Variants in PANK4 observed in about 807,000 individuals in gnomAD.
The protein encoded by PANK4 is pantothenate kinase 4 (inactive).
A neutral mutation model predicts 87.9 loss-of-function variants in PANK4; 40 were observed. That is an observed-to-expected ratio of 0.46 (90% CI 0.35 to 0.59). The LOEUF is 0.59. Among genes scored for constraint, PANK4 ranks in the 20% least tolerant of loss-of-function variants. PANK4 has a pLI of 0.00. For synonymous variants in PANK4, 524 were observed against 467.4 expected (o/e 1.12, Z -1.56); for missense variants, 926 against 1,072.3 (o/e 0.86, Z 1.90).
chr1:2,520,339 G>A lies in PANK4; in HGVS notation c.682C>T (p.Leu228=), dbSNP rs370600453. 6.2e-7 allele frequency: 1 copy of A among 1,612,892 alleles called. No individual in the cohort carries two copies. Among genetic ancestry groups the A allele is most frequent in the Non-Finnish European group, 8.5e-7 (1 of 1,179,918 alleles). Residue 228 remains leucine, a synonymous_variant, in exon 5 of 19, where the codon CTG becomes TTG. Transcript: ENST00000378466. The surrounding 1 kb of genome is among the most constrained non-coding windows in gnomAD (Gnocchi z 6.2). ...CCGCATACCTTCGTTTTGGTGAGCA[G>A]AGCGCCAAGCCCCCAGAAGGTGCCG... ...GGGTFWGLGA[L]LTKTKKFDEL...
rs978285304 is a variant in PANK4 at position 2,510,588 on chromosome 1, C to T, written c.1938+90G>A. 4 of 790,732 alleles carry T rather than the reference C, an allele frequency of 5.1e-6. No individual in the cohort carries two copies. Among genetic ancestry groups the T allele is most frequent in the Admixed American group, 2.1e-5 (1 of 48,162 alleles). 49.0% of individuals were successfully genotyped at this position (790,732 alleles called of 1,614,324 possible). A position where few individuals can be genotyped will look rare whatever the true frequency, so the allele number is the denominator to read the frequency against. On this transcript the variant is annotated intron_variant, in intron 16 of 18. Coordinates refer to ENST00000378466, the MANE Select transcript of PANK4 (RefSeq NM_018216.4). This position sits in a 1 kb window ranked among gnomAD's most constrained non-coding sequence, Gnocchi z 4.9. ...CTACCTGCTGCGTCCGGAGGAGCCC[C>T]GACCACCGCCAGAGGCCCACAGCGG...
intron 9 of PANK4, among the ~76,000 whole-genome samples, chr1:2,517,509 A>G (rs1460153895): frequency 6.6e-6 from 1 of 152,184 alleles, no homozygotes. Flanking sequence ...ACGGTCGAGG[A>G]CCCTGACAGC....
chr1:2,508,907 G>A lies in PANK4; in HGVS notation c.2262C>T (p.Ala754=), dbSNP rs779490735. 1.5e-5 allele frequency: 24 copies of A among 1,609,756 alleles called. No homozygotes were observed. The highest frequency in any genetic ancestry group is 1.1e-4 in the South Asian group (10 of 90,496). ...TGAAGAGCCGGCCGCCCAGCCGCTC[G>A]GCCAGCCACGCGTTCTTGATGACGG... is the stretch of plus-strand genomic sequence containing the variant. ...KLAVIKNAWL[A]ERLGGRLFSV... The change falls in exon 19 of 19, where the codon GCC becomes GCT. Residue 754 remains alanine (A), a synonymous_variant. Coordinates refer to ENST00000378466, the MANE Select transcript of PANK4 (RefSeq NM_018216.4). This position sits in a 1 kb window ranked among gnomAD's most constrained non-coding sequence, Gnocchi z 5.1.
chr1:2,514,489 G>GT (rs1643724898), intron 10 of PANK4, 23 bp from the exon 11 acceptor site: 1 of 1,458,074 alleles, frequency 6.9e-7, no homozygotes, highest in Non-Finnish European at 9.2e-7. Flanking sequence ...GAAGGAGGGG[G>GT]TTAGTCAAGC....
chr1:2,519,178 G>T lies in PANK4; in HGVS notation c.1000C>A (p.Arg334Ser). 6.2e-7 allele frequency: 1 copy of T among 1,612,704 alleles called. No individual in the cohort carries two copies. The change falls in exon 7 of 19, where the codon CGC (arginine) becomes AGC (serine). Residue 334 changes from arginine (R) to serine (S), a missense_variant. By Grantham distance (110) the Arg-to-Ser change is moderately radical. Transcript: ENST00000378466. The surrounding 1 kb of genome is among the most constrained non-coding windows in gnomAD (Gnocchi z 8.3). Reference sequence around the variant, plus strand: ...AAGTTGATGCTATAGGTGATGGTGCGCATGGTCACGGGGTGGCCCCGGATA... The same window carrying T: ...AAGTTGATGCTATAGGTGATGGTGCTCATGGTCACGGGGTGGCCCCGGATA... ...FFIRGHPVTM[R>S]TITYSINFFS...
chr1:2,521,809 G>C lies in PANK4; in HGVS notation c.125-9C>G, dbSNP rs201354400. 2.4e-5 allele frequency: 38 copies of C among 1,612,320 alleles called. No homozygotes were observed. Among genetic ancestry groups the C allele is most frequent in the Non-Finnish European group, 3.1e-5 (36 of 1,178,530 alleles). On this transcript the variant is annotated splice_polypyrimidine_tract_variant and intron_variant, in intron 1 of 18. Transcript: ENST00000378466. Reference sequence around the variant, plus strand: ...CTTGGTTAACGACCCGCCTGCAGGGGAGACACAAACCGGGCAGGATTCAGG... The same window carrying C: ...CTTGGTTAACGACCCGCCTGCAGGGCAGACACAAACCGGGCAGGATTCAGG...
In PANK4 at chr1:2,512,573, G is replaced by A. The variant is rs193267079; in HGVS notation, c.1727+315C>T. 14 of 401,820 alleles carry A rather than the reference G, an allele frequency of 3.5e-5. No individual in the cohort carries two copies. The East Asian group carries it at 5.7e-4, about 16-fold the overall frequency. 24.9% of individuals were successfully genotyped at this position (401,820 alleles called of 1,614,324 possible). On this transcript the variant is annotated intron_variant, in intron 13 of 18. Coordinates refer to ENST00000378466, the MANE Select transcript of PANK4 (RefSeq NM_018216.4). ...AAATGTTTAATTCCTACCACACATAGGAAACATGAATTTGGATTCTGACAA... is the reference window on the plus strand; with the variant it reads ...AAATGTTTAATTCCTACCACACATAAGAAACATGAATTTGGATTCTGACAA...
chr1:2,509,674 T>C lies in PANK4; in HGVS notation c.2108+188A>G. The C allele has an allele frequency of 1.6e-6, 1 of 625,228 alleles. No homozygotes were observed. The highest frequency in any genetic ancestry group is 2.9e-6 in the Non-Finnish European group (1 of 344,268). The allele number at this position is 625,228 out of a possible 1,614,324, so 38.7% of individuals were successfully genotyped here. On this transcript the variant is annotated intron_variant, in intron 18 of 18. Coordinates refer to ENST00000378466, the MANE Select transcript of PANK4 (RefSeq NM_018216.4). The surrounding 1 kb of genome is among the most constrained non-coding windows in gnomAD (Gnocchi z 4.9). ...TAACCACCTCAGACCCTGAATCCATTCACCCTCCCCAGGCCACCTTCGGGG... is the reference window on the plus strand; with the variant it reads ...TAACCACCTCAGACCCTGAATCCATCCACCCTCCCCAGGCCACCTTCGGGG...
Position 2,519,697 on chromosome 1 carries a change from CAGGGAGCAGT to C in PANK4, c.853+94_853+103del. 1 of 1,234,048 alleles carries C rather than the reference CAGGGAGCAGT, an allele frequency of 8.1e-7. No individual in the cohort carries two copies. 76.4% of individuals were successfully genotyped at this position (1,234,048 alleles called of 1,614,324 possible). On this transcript the variant is annotated intron_variant, in intron 6 of 18. Coordinates refer to ENST00000378466, the MANE Select transcript of PANK4 (RefSeq NM_018216.4). This position sits in a 1 kb window ranked among gnomAD's most constrained non-coding sequence, Gnocchi z 8.3. ...GCTGACACCCAAGACCCCGACTCTC[CAGGGAGCAGT>C]TGTGGGAAAGCAATGGTGGGGGAAG... is the stretch of plus-strand genomic sequence containing the variant.
At chr1:2,513,967 A>G (rs2247308) in intron 12 of PANK4, 35 bp downstream of exon 12, 398,618 of 1,473,094 alleles carry the variant, frequency 0.27, 63,657 homozygotes, top group African/African-American at 0.67. Context: ...GACGGGGACA[A>G]GAGCGAGCGG....
At position 2,519,016 on chromosome 1, in the gene PANK4, T is replaced by C. The variant is rs906706787; in HGVS notation, c.1035+127A>G. 1.2e-6 allele frequency: 1 copy of C among 842,200 alleles called. No homozygotes were observed. The highest frequency in any genetic ancestry group is 2.5e-5 in the East Asian group (1 of 40,502). 52.2% of individuals were successfully genotyped at this position (842,200 alleles called of 1,614,324 possible). On this transcript the variant is annotated intron_variant, in intron 7 of 18. Coordinates refer to ENST00000378466, the MANE Select transcript of PANK4 (RefSeq NM_018216.4). This position sits in a 1 kb window ranked among gnomAD's most constrained non-coding sequence, Gnocchi z 8.3. ...CCCAGAATCAGTCAGAAGGGAGGGG[T>C]GCTGGGCTTCTTGGCCCCCACCCTC...
rs372287815 is a variant in PANK4, at chr1:2,515,550, C to T, written c.1374+12G>A. ...GCCTTGGAATCGTCTAGACGGCACC[C>T]GGAGCCCTCACCCCGTCCAGGGCCT... On this transcript the variant is annotated intron_variant, in intron 10 of 18. Coordinates refer to ENST00000378466, the MANE Select transcript of PANK4 (RefSeq NM_018216.4). This position sits in a 1 kb window ranked among gnomAD's most constrained non-coding sequence, Gnocchi z 5.0. 13 of 1,611,964 alleles carry T rather than the reference C, an allele frequency of 8.1e-6. No homozygotes were observed. The highest frequency in any genetic ancestry group is 3.3e-5 in the Admixed American group (2 of 59,996).
rs1557446707 is a variant in PANK4, at chr1:2,520,763, TA to T, written c.565del (p.Tyr189IlefsTer13). The T allele has an allele frequency of 1.2e-6, 2 of 1,613,152 alleles. No individual in the cohort carries two copies. The highest frequency in any genetic ancestry group is 1.7e-5 in the Admixed American group (1 of 59,838). ...FQTNHPHIFPYLLVNIGSGVS... is the reference protein window; with the variant it reads ...FQTNHPHIFPXLLVNIGSGVS... ...TCCAGAGCCGATATTGACAAGAAGA[TA>T]GGGGAAAATGTGGGGGTGGTTGGTC... On this transcript the variant is annotated frameshift_variant, in exon 4 of 19. Coordinates refer to ENST00000378466, the MANE Select transcript of PANK4 (RefSeq NM_018216.4). LOFTEE classifies it high-confidence loss of function. The surrounding 1 kb of genome is among the most constrained non-coding windows in gnomAD (Gnocchi z 6.2).
At position 2,526,526 on chromosome 1, in the gene PANK4, G is replaced by T. The variant is rs1459222828; in HGVS notation, c.62C>A (p.Thr21Lys). Residue 21 changes from threonine (T) to lysine (K), a missense_variant, in exon 1 of 19, where the codon ACG becomes AAG. Physicochemically the swap from Thr to Lys is moderately conservative, Grantham distance 78. Coordinates refer to ENST00000378466, the MANE Select transcript of PANK4 (RefSeq NM_018216.4). ...SSGDSLDKSI[T>K]LPPDEIFRNL... is the part of the protein sequence containing the mutation. The stretch of plus-strand genomic sequence containing the variant: ...GCGGAAGATCTCGTCGGGGGGCAGC[G>T]TGATGCTCTTGTCCAGACTGTCCCC... 1.3e-6 allele frequency: 2 copies of T among 1,590,176 alleles called. No homozygotes were observed. Among genetic ancestry groups the T allele is most frequent in the Admixed American group, 3.5e-5 (2 of 57,542 alleles).
intron 14 of PANK4, 62 bp downstream of exon 14, chr1:2,511,566 A>G: frequency 8.1e-7 from 1 of 1,240,702 alleles, no homozygotes. Context: ...TCGCTGTTGC[A>G]GAGAACGTCC....
At position 2,520,318 on chromosome 1, in the gene PANK4, A is replaced by G; in HGVS notation, c.699+4T>C. The G allele has an allele frequency of 6.2e-7, 1 of 1,612,270 alleles. No individual in the cohort carries two copies. The highest frequency in any genetic ancestry group is 1.1e-5 in the South Asian group (1 of 91,076). ...CTGGAAGGTCTCTGGCAGCTGCCGC[A>G]TACCTTCGTTTTGGTGAGCAGAGCG... On this transcript the variant is annotated splice_donor_region_variant and intron_variant, in intron 5 of 18. Transcript: ENST00000378466. This position sits in a 1 kb window ranked among gnomAD's most constrained non-coding sequence, Gnocchi z 6.2.
rs187913537 is a variant in PANK4 at position 2,517,500 on chromosome 1, C to T, written c.1218+664G>A. 1.6e-4 allele frequency among the ~76,000 whole-genome samples: 24 copies of T among 152,348 alleles called. No individual in the cohort carries two copies. The East Asian group carries it at 3.1e-3, about 20-fold the overall frequency. On this transcript the variant is annotated intron_variant, in intron 9 of 18. Transcript: ENST00000378466. ...AAGGAATGAGCCCCGCGGGGGGGCA[C>T]GGTCGAGGACCCTGACAGCCTGTGA... is the stretch of plus-strand genomic sequence containing the variant.
At chr1:2,526,279 C>T (rs1378034319) in intron 1 of PANK4, 185 bp downstream of exon 1, 3 of 184,766 alleles carry the variant, frequency 1.6e-5, no homozygotes, top group Non-Finnish European at 3.1e-5. Context: ...GCCCGCGCAT[C>T]AGCGACCCTG....
At position 2,521,873 on chromosome 1, in the gene PANK4, C is replaced by A. The variant is rs747135732; in HGVS notation, c.125-73G>T. 5 of 1,151,836 alleles carry A rather than the reference C, an allele frequency of 4.3e-6. No individual in the cohort carries two copies. In the East Asian group the frequency reaches 7.0e-5, roughly 16 times the overall value. 71.4% of individuals were successfully genotyped at this position (1,151,836 alleles called of 1,614,324 possible). On this transcript the variant is annotated intron_variant, in intron 1 of 18. Transcript: ENST00000378466. ...GGGGCCTGGGGGTCCATGCCCCACACTCTCTGGGTGTCCTGGAGACTAAAG... is the reference window on the plus strand; with the variant it reads ...GGGGCCTGGGGGTCCATGCCCCACAATCTCTGGGTGTCCTGGAGACTAAAG...
Sources: allele counts gnomAD v4.1 joint callset (sites outside exome capture counted in the v4.1 genomes callset), GRCh38; gene constraint gnomAD v4.1.1; non-coding constraint Gnocchi (gnomAD v3.1); transcripts MANE v1.5; gene names NCBI Gene and HGNC (gene_info 2026-07-23, HGNC 2026-07-21).